Variants in DMTF1 observed in about 807,000 individuals in gnomAD.
DMTF1 encodes cyclin D binding myb like transcription factor 1, also known as cyclin-D-binding Myb-like transcription factor 1.
A neutral mutation model predicts 91.1 loss-of-function variants in DMTF1; 39 were observed. The ratio of observed to expected loss-of-function variants is 0.43; its 90% CI spans 0.33 to 0.56. The LOEUF (loss-of-function observed/expected upper bound fraction) is 0.56, where lower values mean the gene tolerates loss of function less well. DMTF1 is among the 20% of genes least tolerant of loss of function. The pLI is 0.05. For missense variants in DMTF1, 750 were observed against 914.5 expected (o/e 0.82, Z 2.32); for synonymous variants, 338 against 309.5 (o/e 1.09, Z -0.97).
At chr7:87,171,758 G>A (rs1328116788) in intron 5 of DMTF1, among the ~76,000 whole-genome samples, 4 of 152,020 alleles carry the variant, frequency 2.6e-5, no homozygotes, top group African/African-American at 9.7e-5. Flanking sequence ...TGAAAAATGG[G>A]GGTAAAATAC....
intron 2 of DMTF1, among the ~76,000 whole-genome samples, chr7:87,164,719 G>A (rs1793399957): frequency 6.6e-6 from 1 of 152,108 alleles, no homozygotes; most frequent in African/African-American, 2.4e-5. Context: ...ATTTATCAGA[G>A]CAAACAGATT....
At chr7:87,182,135 T>G (rs776021371) in intron 9 of DMTF1, 93 bp from the exon 10 acceptor site, 3 of 1,578,226 alleles carry the variant, frequency 1.9e-6, no homozygotes, top group Non-Finnish European at 2.6e-6. Flanking sequence ...TCCAAACCAG[T>G]CAAATGGGAA....
intron 4 of DMTF1, 102 bp downstream of exon 4, chr7:87,166,707 T>C: frequency 2.1e-5 from 25 of 1,165,614 alleles, no homozygotes; most frequent in Non-Finnish European, 3.1e-5. Context: ...GACTTACTGC[T>C]TTTTTCTTCA....
intron 8 of DMTF1, among the ~76,000 whole-genome samples, chr7:87,180,367 AAG>A (rs1435631633): frequency 2.0e-5 from 3 of 152,226 alleles, no homozygotes; most frequent in Non-Finnish European, 2.9e-5. Flanking sequence ...ACAGTGGAAA[AAG>A]AGAAAAAATT....
Position 87,195,107 on chromosome 7 carries a change from A to C in DMTF1, c.2250A>C (p.Ser750=). 6.2e-7 allele frequency: 1 copy of C among 1,611,964 alleles called. No homozygotes were observed. Among genetic ancestry groups the C allele is most frequent in the Non-Finnish European group, 8.5e-7 (1 of 1,178,686 alleles). ...SSLGSPVSED[S]KDVEDLVNCH ...TGGGCAGTCCTGTTTCAGAAGATTC[A>C]AAGGATGTCGAAGATTTGGTAAACT... is the stretch of plus-strand genomic sequence containing the variant. The change falls in exon 18 of 18, where the codon TCA becomes TCC. Residue 750 remains serine, a synonymous_variant. Transcript: ENST00000331242.
intron 13 of DMTF1, 26 bp downstream of exon 13, chr7:87,188,327 T>A: frequency 6.2e-7 from 1 of 1,611,702 alleles, no homozygotes; most frequent in South Asian, 1.1e-5. Context: ...TCAAGATTCC[T>A]TGCTGTTTGA....
At chr7:87,171,397 A>T (rs1584304690) in intron 5 of DMTF1, among the ~76,000 whole-genome samples, 1 of 152,326 alleles carries the variant, frequency 6.6e-6, no homozygotes, top group East Asian at 1.9e-4. Flanking sequence ...AATGGACAAG[A>T]TGTGAACTGA....
At chr7:87,170,747 A>T (rs1401162474) in intron 4 of DMTF1, among the ~76,000 whole-genome samples, 2 of 152,216 alleles carry the variant, frequency 1.3e-5, no homozygotes, top group African/African-American at 4.8e-5. Flanking sequence ...ACTAGAATAC[A>T]GGCTCCATGA....
chr7:87,183,503 C>G (rs1265820414), intron 10 of DMTF1, among the ~76,000 whole-genome samples: 3 of 152,204 alleles, frequency 2.0e-5, no homozygotes, highest in Non-Finnish European at 4.4e-5. Flanking sequence ...TAGTCCCATC[C>G]TTTCACAGCA....
chr7:87,195,210 A>G lies in DMTF1; in HGVS notation c.*70A>G, dbSNP rs998096555. The G allele has an allele frequency of 1.8e-6, 2 of 1,101,278 alleles. No homozygotes were observed. Among genetic ancestry groups the G allele is most frequent in the Non-Finnish European group, 2.7e-6 (2 of 733,148 alleles). The allele number at this position is 1,101,278 out of a possible 1,614,324, so 68.2% of individuals were successfully genotyped here. A position where few individuals can be genotyped will look rare whatever the true frequency, so the allele number is the denominator to read the frequency against. On this transcript the variant is annotated 3_prime_UTR_variant, in exon 18 of 18. Transcript: ENST00000331242. ...TTAATTACAACCTCTTCAAAGAAAT[A>G]GGAGCAACCCCCAAGAGGCTTAATT...
intron 15 of DMTF1, 127 bp downstream of exon 15, chr7:87,193,480 T>C (rs889338131): frequency 2.2e-4 from 219 of 984,986 alleles, no homozygotes; most frequent in Non-Finnish European, 3.0e-4. Flanking sequence ...CACAGTGTTA[T>C]ACACCATCAC....
intron 4 of DMTF1, among the ~76,000 whole-genome samples, chr7:87,168,422 A>G (rs1459078960): frequency 6.6e-6 from 1 of 151,998 alleles, no homozygotes; most frequent in African/African-American, 2.4e-5. Flanking sequence ...CTGTTTTCCT[A>G]CCGCTACTTC....
chr7:87,188,164 G>A lies in DMTF1; in HGVS notation c.1274G>A (p.Gly425Glu). 1 of 1,613,908 alleles carries A rather than the reference G, an allele frequency of 6.2e-7. No homozygotes were observed. Among genetic ancestry groups the A allele is most frequent in the Non-Finnish European group, 8.5e-7 (1 of 1,179,904 alleles). The change falls in exon 13 of 18, where the codon GGA becomes GAA. Residue 425 changes from glycine to glutamate, a missense_variant. Physicochemically the swap from Gly to Glu is moderately conservative, Grantham distance 98. Around this residue, in one of 3 missense-constraint regions of DMTF1, gnomAD observed 410 missense variants for 420.2 expected, o/e 0.98. Transcript: ENST00000331242. ...NNPTLLENKS[G>E]SGVPNSNTNS... is the part of the protein sequence containing the mutation. ...CCAACGCTTTTGGAGAATAAATCAG[G>A]ATCTGGAGTTCCAAACAGTAATACC... is the stretch of plus-strand genomic sequence containing the variant.
In DMTF1 at chr7:87,193,868, T is replaced by C; in HGVS notation, c.1794T>C (p.Ser598=). ...CAGTCGATAGTGATATTCAGTCATC[T>C]GATTTTCCTGAGCCTCCAGACGCCC... The part of the protein sequence containing the change: ...ELTVDSDIQS[S]DFPEPPDALE... Residue 598 remains serine (S), a synonymous_variant, in exon 16 of 18, where the codon TCT becomes TCC. Coordinates refer to ENST00000331242, the MANE Select transcript of DMTF1 (RefSeq NM_001142327.2). 1 of 1,613,484 alleles carries C rather than the reference T, an allele frequency of 6.2e-7. No homozygotes were observed. The highest frequency in any genetic ancestry group is 8.5e-7 in the Non-Finnish European group (1 of 1,179,632).
intron 2 of DMTF1, among the ~76,000 whole-genome samples, chr7:87,164,632 CTGA>C: frequency 6.6e-6 from 1 of 152,306 alleles, no homozygotes; most frequent in African/African-American, 2.4e-5. Flanking sequence ...GAAAGTTTTG[CTGA>C]TAAGACGGAT....
At position 87,188,164 on chromosome 7, in the gene DMTF1, G is replaced by T; in HGVS notation, c.1274G>T (p.Gly425Val). 3 of 1,613,908 alleles carry T rather than the reference G, an allele frequency of 1.9e-6. No individual in the cohort carries two copies. The highest frequency in any genetic ancestry group is 2.5e-6 in the Non-Finnish European group (3 of 1,179,904). Residue 425 changes from glycine to valine, a missense_variant, in exon 13 of 18, where the codon GGA becomes GTA. Gly to Val is a moderately radical substitution (Grantham distance 109). This residue lies in a region of DMTF1 where 410 missense variants were observed against 420.2 expected (regional missense o/e 0.98). Transcript: ENST00000331242. ...CCAACGCTTTTGGAGAATAAATCAGGATCTGGAGTTCCAAACAGTAATACC... is the reference window on the plus strand; with the variant it reads ...CCAACGCTTTTGGAGAATAAATCAGTATCTGGAGTTCCAAACAGTAATACC... The part of the protein sequence containing the change: ...NNPTLLENKS[G>V]SGVPNSNTNS...
intron 15 of DMTF1, 136 bp from the exon 16 acceptor site, chr7:87,193,589 A>ATCTTTTCT (rs1800433424): frequency 1.1e-6 from 1 of 944,756 alleles, no homozygotes; most frequent in South Asian, 1.7e-5. Flanking sequence ...CTAGCAAGTA[A>ATCTTTTCT]AGGACAAGGG....
At chr7:87,153,497 A>G (rs542586738) in intron 1 of DMTF1, among the ~76,000 whole-genome samples, 7 of 152,336 alleles carry the variant, frequency 4.6e-5, no homozygotes, top group African/African-American at 1.4e-4. Flanking sequence ...GATAGAGCAT[A>G]TGTCTTTATA....
chr7:87,164,035 A>G (rs1483346540), intron 2 of DMTF1, among the ~76,000 whole-genome samples: 2 of 138,250 alleles, frequency 1.4e-5, no homozygotes, highest in Non-Finnish European at 3.1e-5. Context: ...AGCCTGGGCA[A>G]CAATGAAGAC....
Sources: allele counts gnomAD v4.1 joint callset (sites outside exome capture counted in the v4.1 genomes callset), GRCh38; gene constraint gnomAD v4.1.1; regional missense constraint gnomAD v4.1.1; transcripts MANE v1.5; gene names NCBI Gene and HGNC (gene_info 2026-07-23, HGNC 2026-07-21).